CACNA1A: variants seen among roughly 807,000 people sequenced by gnomAD.
CACNA1A encodes the protein voltage-dependent P/Q-type calcium channel subunit alpha-1A.
A neutral mutation model predicts 262.4 loss-of-function variants in CACNA1A; 57 were observed. That is an observed-to-expected ratio of 0.22 (90% confidence interval 0.18 to 0.27). CACNA1A has a LOEUF of 0.27. Among genes scored for constraint, CACNA1A ranks in the 10% least tolerant of loss-of-function variants. The pLI is 1.00. For missense variants in CACNA1A, 2,526 were observed against 3,562.8 expected (o/e 0.71, Z 7.41); for synonymous variants, 1,431 against 1,419.3 (o/e 1.01, Z -0.18).
At chr19:13,457,688 T>TA (rs1363353244) in intron 1 of CACNA1A, among the ~76,000 whole-genome samples, 7 of 151,840 alleles carry the variant, frequency 4.6e-5, no homozygotes, top group East Asian at 1.9e-4. Context: ...CCATCTCTAC[T>TA]AAAAAAAGTA....
At chr19:13,227,788 G>A (rs898173614) in intron 36 of CACNA1A, 1 of 226,430 alleles carries the variant, frequency 4.4e-6, no homozygotes, top group Non-Finnish European at 8.6e-6. Flanking sequence ...GGGAGAGAGA[G>A]AGAAAAGAGA....
intron 3 of CACNA1A, among the ~76,000 whole-genome samples, chr19:13,426,401 T>G (rs2060404156): frequency 6.6e-6 from 1 of 152,156 alleles, no homozygotes; most frequent in African/African-American, 2.4e-5. Context: ...CATTTTTGGC[T>G]GCCACAACTG....
At chr19:13,355,726 C>T (rs1411967570) in intron 6 of CACNA1A, among the ~76,000 whole-genome samples, 2 of 152,146 alleles carry the variant, frequency 1.3e-5, no homozygotes, top group Admixed American at 6.5e-5. Context: ...AAGGCATCCC[C>T]GTCCTCAAGG....
At chr19:13,407,265 C>T (rs1255903629) in intron 3 of CACNA1A, among the ~76,000 whole-genome samples, 1 of 152,200 alleles carries the variant, frequency 6.6e-6, no homozygotes, top group African/African-American at 2.4e-5. Flanking sequence ...CTTTCCACAC[C>T]TACTTCCAAA....
chr19:13,348,882 C>T (rs1009988519), intron 6 of CACNA1A, among the ~76,000 whole-genome samples: 4 of 151,854 alleles, frequency 2.6e-5, no homozygotes, highest in African/African-American at 4.8e-5. Flanking sequence ...GTGGCACGCA[C>T]CTGTAATCCC....
In CACNA1A at chr19:13,421,702, T is replaced by G. The variant is rs763349233; in HGVS notation, c.539+31174A>C. Among the ~76,000 whole-genome samples, 54 of 152,104 alleles carry G rather than the reference T, an allele frequency of 3.6e-4. 1 individual carries two copies. Among genetic ancestry groups the G allele is most frequent in the Non-Finnish European group, 1.2e-4 (8 of 68,010 alleles). On this transcript the variant is annotated intron_variant, in intron 3 of 46. Transcript: ENST00000360228. Reference sequence around the variant, plus strand: ...AAGACCCCTTCTACGAAACAAGAAATGGCCCCTCATCAGACACCAAATCTG... The same window carrying G: ...AAGACCCCTTCTACGAAACAAGAAAGGGCCCCTCATCAGACACCAAATCTG...
chr19:13,450,139 CAAAAAAA>C (rs367559329), intron 3 of CACNA1A, among the ~76,000 whole-genome samples: 603 of 52,238 alleles, frequency 0.012, 4 homozygotes, highest in African/African-American at 0.033. Flanking sequence ...AGACTCTTGT[CAAAAAAA>C]AAAAAAAAAA....
At chr19:13,287,376 G>C (rs1251316111) in intron 19 of CACNA1A, among the ~76,000 whole-genome samples, 16 of 151,918 alleles carry the variant, frequency 1.1e-4, no homozygotes. Context: ...GAAAAGGAAA[G>C]GGTACAGTTT....
rs2144523250 is a variant in CACNA1A, at chr19:13,212,197, A to G, written c.6209T>C (p.Met2070Thr). Residue 2070 changes from methionine to threonine, a missense_variant, in exon 43 of 47, where the codon ATG (methionine) becomes ACG (threonine). Coordinates refer to ENST00000360228, the MANE Select transcript of CACNA1A (RefSeq NM_001127222.2). The surrounding 1 kb of genome is among the most constrained non-coding windows in gnomAD (Gnocchi z 5.6). ...PNSQSVEMRE[M>T]GRDGYSDSEH... ...GCTGTCGGAGTAGCCATCTCTGCCC[A>G]TCTCTCGCATCTCCACGGACTGCGG... 1.9e-6 allele frequency: 3 copies of G among 1,613,862 alleles called. No individual in the cohort carries two copies. Among genetic ancestry groups the G allele is most frequent in the South Asian group, 1.1e-5 (1 of 91,084 alleles).
intron 31 of CACNA1A, among the ~76,000 whole-genome samples, chr19:13,239,671 G>C (rs1055071560): frequency 5.9e-5 from 9 of 152,134 alleles, no homozygotes; most frequent in African/African-American, 2.2e-4. Context: ...AGAGGCAGTT[G>C]AGATTTAACA....
At chr19:13,276,885 T>C (rs1451056135) in intron 23 of CACNA1A, among the ~76,000 whole-genome samples, 184 bp downstream of exon 23, 1 of 151,946 alleles carries the variant, frequency 6.6e-6, no homozygotes, top group Non-Finnish European at 1.5e-5. Flanking sequence ...CTAATTTTTG[T>C]ATTTTTAGTA....
At chr19:13,448,951 CTTTTT>C (rs908726185) in intron 3 of CACNA1A, among the ~76,000 whole-genome samples, 10 of 151,692 alleles carry the variant, frequency 6.6e-5, no homozygotes, top group African/African-American at 1.5e-4. Context: ...TTTCTCTTTT[CTTTTT>C]TTTATTTTTT....
chr19:13,347,567 G>A (rs1282178202), intron 6 of CACNA1A, among the ~76,000 whole-genome samples: 4 of 152,138 alleles, frequency 2.6e-5, no homozygotes, highest in Admixed American at 6.6e-5. Flanking sequence ...TCACTTACGC[G>A]CTTTATCTGT....
rs550972309 is a variant in CACNA1A at position 13,482,453 on chromosome 19, C to A, written c.293+23479G>T. ...AGCCGAGATCGTGCCACTGCACTCC[C>A]GCTTGGGTGACAGAGTGAGACTCCG... On this transcript the variant is annotated intron_variant, in intron 1 of 46. Transcript: ENST00000360228. Among the ~76,000 whole-genome samples the A allele has an allele frequency of 2.2e-4, 33 of 150,566 alleles. No homozygotes were observed. In the East Asian group the frequency reaches 6.4e-3, roughly 29 times the overall value.
At chr19:13,359,262 G>A (rs150733409) in intron 6 of CACNA1A, among the ~76,000 whole-genome samples, 3 of 152,332 alleles carry the variant, frequency 2.0e-5, no homozygotes, top group East Asian at 1.9e-4. Context: ...CCTCGCCTAC[G>A]TCCAAAGATA....
chr19:13,208,692 T>C, intron 46 of CACNA1A, 64 bp downstream of exon 46: 1 of 1,492,368 alleles, frequency 6.7e-7, no homozygotes, highest in African/African-American at 1.4e-5. Flanking sequence ...GGATGGGGTA[T>C]CCCCTTCTCT....
chr19:13,356,302 C>T (rs765476938), intron 6 of CACNA1A, among the ~76,000 whole-genome samples: 3 of 152,164 alleles, frequency 2.0e-5, no homozygotes, highest in Non-Finnish European at 4.4e-5. Context: ...ACTTAGTCCT[C>T]GTGCCTTGTG....
At chr19:13,489,828 C>T (rs1429700964) in intron 1 of CACNA1A, among the ~76,000 whole-genome samples, 1 of 152,154 alleles carries the variant, frequency 6.6e-6, no homozygotes, top group Non-Finnish European at 1.5e-5. Flanking sequence ...AAATCAAGCC[C>T]ACATCTCCCC....
At chr19:13,403,595 G>A (rs923701423) in intron 3 of CACNA1A, among the ~76,000 whole-genome samples, 23 of 152,122 alleles carry the variant, frequency 1.5e-4, no homozygotes, top group African/African-American at 5.3e-4. Flanking sequence ...TGTTGCGTAT[G>A]GGTGTGGATA....
Sources: gnomAD v4.1 joint callset for allele counts (sites outside exome capture counted in the v4.1 genomes callset) on GRCh38, gnomAD v4.1.1 for gene constraint, Gnocchi (gnomAD v3.1) non-coding constraint, MANE v1.5 for transcripts, NCBI Gene and HGNC (gene_info 2026-07-23, HGNC 2026-07-21) for gene names.